The following SYNE4 variants were observed in gnomAD, a reference collection of about 807,000 sequenced individuals.
The protein encoded by SYNE4 is spectrin repeat containing nuclear envelope family member 4.
In SYNE4, 41 loss-of-function variants were observed where a neutral mutation model predicts 46.9. That is an observed-to-expected ratio of 0.87 (90% CI 0.68 to 1.13). The LOEUF (loss-of-function observed/expected upper bound fraction) is 1.13. Ranked by LOEUF, SYNE4 falls within the 50% of genes most tolerant of loss-of-function variation. The probability of loss-of-function intolerance (pLI) is 0.00; values close to 1 mark genes in which losing one functional copy is unlikely to be tolerated. For synonymous variants in SYNE4, 221 were observed against 219.5 expected (o/e 1.01, Z -0.06); for missense variants, 492 against 514.8 (o/e 0.96, Z 0.43).
At chr19:36,005,593 C>T (rs1599676439) in intron 5 of SYNE4, 156 bp from the exon 6 acceptor site, 3 of 645,120 alleles carry the variant, frequency 4.7e-6, no homozygotes, top group Non-Finnish European at 8.0e-6. Flanking sequence ...TTCATTCATT[C>T]AATAAATGTG....
rs767695481 is a variant in SYNE4 at position 36,005,312 on chromosome 19, C to A, written c.972+21G>T. The A allele has an allele frequency of 8.1e-6, 13 of 1,612,608 alleles. No individual in the cohort carries two copies. The Admixed American group carries it at 1.7e-4, about 21-fold the overall frequency. Reference sequence around the variant, plus strand: ...GCCATCAAGATTCCTGAGTGCTACACCTGGTTGAGAACTGGCTCACCTGAG... The same window carrying A: ...GCCATCAAGATTCCTGAGTGCTACAACTGGTTGAGAACTGGCTCACCTGAG... On this transcript the variant is annotated intron_variant, in intron 6 of 7. Coordinates refer to ENST00000324444, the MANE Select transcript of SYNE4 (RefSeq NM_001039876.3).
In SYNE4 at chr19:36,007,603, G is replaced by A. The variant is rs930613364; in HGVS notation, c.280-335C>T. 17 of 985,234 alleles carry A rather than the reference G, an allele frequency of 1.7e-5. No individual in the cohort carries two copies. In the East Asian group the frequency reaches 3.4e-4, roughly 20 times the overall value. The allele number at this position is 985,234 out of a possible 1,614,324, so 61.0% of individuals were successfully genotyped here. A position where few individuals can be genotyped will look rare whatever the true frequency, so the allele number is the denominator to read the frequency against. On this transcript the variant is annotated intron_variant, in intron 2 of 7. Coordinates refer to ENST00000324444, the MANE Select transcript of SYNE4 (RefSeq NM_001039876.3). ...ATGATGAAATGCTTCTCAGCCGGGC[G>A]CAGTGGTTCACATCTGTAATCCCAG...
rs1247338204 is a variant in SYNE4, at chr19:36,008,357, C to A, written c.139G>T (p.Ala47Ser). ...SGEESTSPEQ[A>S]QTLGQDSLGP... is the part of the protein sequence containing the mutation. ...AAGGAGTCCTGTCCCAGGGTCTGGG[C>A]CTGCTCTGGGCTAGGAGGCAGGGGG... is the stretch of plus-strand genomic sequence containing the variant. Residue 47 changes from alanine (A) to serine (S), a missense_variant, in exon 2 of 8, where the codon GCC (alanine) becomes TCC (serine). Coordinates refer to ENST00000324444, the MANE Select transcript of SYNE4 (RefSeq NM_001039876.3). 1 of 1,560,610 alleles carries A rather than the reference C, an allele frequency of 6.4e-7. No individual in the cohort carries two copies. The highest frequency in any genetic ancestry group is 8.7e-7 in the Non-Finnish European group (1 of 1,150,996).
intron 5 of SYNE4, 121 bp downstream of exon 5, chr19:36,006,302 G>T: frequency 1.5e-6 from 2 of 1,307,960 alleles, no homozygotes; most frequent in East Asian, 2.4e-5. Context: ...CCGAGAGACA[G>T]AGATAGAGGG....
intron 3 of SYNE4, 60 bp from the exon 4 acceptor site, chr19:36,007,004 C>G: frequency 6.5e-7 from 1 of 1,530,678 alleles, no homozygotes; most frequent in African/African-American, 1.4e-5. Context: ...TGGAGTTACC[C>G]CCCTCCCCCA....
chr19:36,007,062 C>T (rs1221064602), intron 3 of SYNE4, 63 bp downstream of exon 3: 15 of 1,562,576 alleles, frequency 9.6e-6, no homozygotes, highest in Middle Eastern at 1.9e-4. Flanking sequence ...TTTCCCATCC[C>T]GGAAAGCTGG....
chr19:36,006,383 G>A (rs1203824176), intron 5 of SYNE4, 40 bp downstream of exon 5: 1 of 1,556,300 alleles, frequency 6.4e-7, no homozygotes, highest in Non-Finnish European at 8.7e-7. Context: ...ATGTCCCCAG[G>A]GTGCCTGGCA....
chr19:36,005,344 G>A lies in SYNE4; in HGVS notation c.961C>T (p.Arg321Trp), dbSNP rs764812979. 80 of 1,613,892 alleles carry A rather than the reference G, an allele frequency of 5.0e-5. No homozygotes were observed. The highest frequency in any genetic ancestry group is 5.9e-5 in the Non-Finnish European group (70 of 1,179,970). The change falls in exon 6 of 8, where the codon CGG (arginine) becomes TGG (tryptophan). Residue 321 changes from arginine (R) to tryptophan (W), a missense_variant. Physicochemically the swap from Arg to Trp is moderately radical, Grantham distance 101 (BLOSUM62 -3). Transcript: ENST00000324444. The part of the protein sequence containing the change: ...LARHQRHSLL[R>W]KPQDKKRQAS... The stretch of plus-strand genomic sequence containing the variant: ...GAGAACTGGCTCACCTGAGGCTTCC[G>A]GAGCAGGGAGTGTCTTTGGTGACGT...
Position 36,003,347 on chromosome 19 carries a change from G to A in SYNE4, c.1205C>T (p.Pro402Leu), listed in dbSNP as rs1469949334. 8 of 1,614,000 alleles carry A rather than the reference G, an allele frequency of 5.0e-6. No individual in the cohort carries two copies. Among genetic ancestry groups the A allele is most frequent in the Non-Finnish European group, 6.8e-6 (8 of 1,180,030 alleles). ...CATTTATTACACACATCAGACTGGG[G>A]GAAGACCATTGACATAGCTGAGCAC... ...YLVLSYVNGL[P>L]PV Residue 402 changes from proline (P) to leucine (L), a missense_variant, in exon 8 of 8, where the codon CCC becomes CTC. Coordinates refer to ENST00000324444, the MANE Select transcript of SYNE4 (RefSeq NM_001039876.3).
Position 36,005,282 on chromosome 19 carries a change from CA to C in SYNE4, c.972+50del. 5 of 1,555,794 alleles carry C rather than the reference CA, an allele frequency of 3.2e-6. No individual in the cohort carries two copies. In the Admixed American group the frequency reaches 8.8e-5, roughly 27 times the overall value. ...GCCTTTTGATTTCTTGGGTTTCTGT[CA>C]CTTGCCATCAAGATTCCTGAGTGCT... On this transcript the variant is annotated intron_variant, in intron 6 of 7. Transcript: ENST00000324444.
In SYNE4 at chr19:36,007,416, TG is replaced by T. The variant is rs553178847; in HGVS notation, c.280-149del. ...CTGTCTGCACCAGGATGGCTCCCAC[TG>T]GGGGGGCCTTCCCAGTGGAGCCAGG... On this transcript the variant is annotated intron_variant, in intron 2 of 7. Transcript: ENST00000324444. 57 of 1,423,650 alleles carry T rather than the reference TG, an allele frequency of 4.0e-5. No individual in the cohort carries two copies. The Middle Eastern group carries it at 7.1e-4, about 18-fold the overall frequency. 88.2% of individuals were successfully genotyped at this position (1,423,650 alleles called of 1,614,324 possible). A position where few individuals can be genotyped will look rare whatever the true frequency, so the allele number is the denominator to read the frequency against.
chr19:36,008,335 G>A lies in SYNE4; in HGVS notation c.161C>T (p.Ser54Phe), dbSNP rs1599680523. Residue 54 changes from serine (S) to phenylalanine (F), a missense_variant, in exon 2 of 8, where the codon TCC (serine) becomes TTC (phenylalanine). By Grantham distance (155) the Ser-to-Phe change is radical. Coordinates refer to ENST00000324444, the MANE Select transcript of SYNE4 (RefSeq NM_001039876.3). ...PEQAQTLGQDSLGPPEHFQGG... is the reference protein window; with the variant it reads ...PEQAQTLGQDFLGPPEHFQGG... ...CTGGAAGTGCTCAGGAGGGCCCAAG[G>A]AGTCCTGTCCCAGGGTCTGGGCCTG... 1 of 1,567,824 alleles carries A rather than the reference G, an allele frequency of 6.4e-7. No individual in the cohort carries two copies. The highest frequency in any genetic ancestry group is 8.7e-7 in the Non-Finnish European group (1 of 1,154,600).
At chr19:36,005,584 T>C in intron 5 of SYNE4, 147 bp from the exon 6 acceptor site, 1 of 663,714 alleles carries the variant, frequency 1.5e-6, no homozygotes, top group Non-Finnish European at 2.6e-6. Flanking sequence ...AATTATTTAT[T>C]CATTCATTCA....
rs1976750750 is a variant in SYNE4 at position 36,003,648 on chromosome 19, A to G, written c.996T>C (p.Pro332=). The change falls in exon 7 of 8, where the codon CCT becomes CCC. Residue 332 remains proline (P), a synonymous_variant. Transcript: ENST00000324444. ...CCTCCAGCCTCACATCCTGGAGATG[A>G]GGAGATGCTTGCCTCTTCTTGTCCT... ...KPQDKKRQAS[P]HLQDVRLEGN... 6.2e-7 allele frequency: 1 copy of G among 1,613,080 alleles called. No individual in the cohort carries two copies.
At chr19:36,007,631 C>G (rs1968410955) in intron 2 of SYNE4, 1 of 982,980 alleles carries the variant, frequency 1.0e-6, no homozygotes, top group African/African-American at 1.8e-5. Context: ...AATCCCAGCA[C>G]TTTGGGAGGC....
rs563279184 is a variant in SYNE4 at position 36,006,682 on chromosome 19, G to A, written c.619-11C>T. Reference sequence around the variant, plus strand: ...GGCCTCCTCGAACACCTGGGTCAAAGGACAGAGGTCATGGAGGCTATGAGG... The same window carrying A: ...GGCCTCCTCGAACACCTGGGTCAAAAGACAGAGGTCATGGAGGCTATGAGG... On this transcript the variant is annotated splice_polypyrimidine_tract_variant and intron_variant, in intron 4 of 7. Transcript: ENST00000324444. 15 of 1,594,426 alleles carry A rather than the reference G, an allele frequency of 9.4e-6. No homozygotes were observed. The highest frequency in any genetic ancestry group is 4.5e-5 in the South Asian group (4 of 88,956).
rs566047258 is a variant in SYNE4 at position 36,007,681 on chromosome 19, A to G, written c.280-413T>C. 14 of 744,786 alleles carry G rather than the reference A, an allele frequency of 1.9e-5. No individual in the cohort carries two copies. In the African/African-American group the frequency reaches 2.7e-4, roughly 14 times the overall value. The allele number at this position is 744,786 out of a possible 1,614,324, so 46.1% of individuals were successfully genotyped here. ...CACTTGAGCCCAGGAGTTCAAGACCAGCCTGGGCAACATGGTGAGACATCA... is the reference window on the plus strand; with the variant it reads ...CACTTGAGCCCAGGAGTTCAAGACCGGCCTGGGCAACATGGTGAGACATCA... On this transcript the variant is annotated intron_variant, in intron 2 of 7. Coordinates refer to ENST00000324444, the MANE Select transcript of SYNE4 (RefSeq NM_001039876.3).
chr19:36,005,311 A>G, intron 6 of SYNE4, 22 bp downstream of exon 6: 1 of 1,611,782 alleles, frequency 6.2e-7, no homozygotes, highest in African/African-American at 1.3e-5. Context: ...TGAGTGCTAC[A>G]CCTGGTTGAG....
rs761761109 is a variant in SYNE4 at position 36,006,529 on chromosome 19, TC to T, written c.760del (p.Asp254ThrfsTer16). The T allele has an allele frequency of 6.2e-7, 1 of 1,606,802 alleles. No individual in the cohort carries two copies. The highest frequency in any genetic ancestry group is 1.1e-5 in the South Asian group (1 of 89,960). Reference sequence around the variant, plus strand: ...TCCCAAGGGCCCAAGGCCCCCAATGTCCCCCGCCGGATCCCACTCCAACTCT... The same window carrying T: ...TCCCAAGGGCCCAAGGCCCCCAATGTCCCCGCCGGATCCCACTCCAACTCT... ...STELEWDPAG[D>X]IGGLGPLGQK... On this transcript the variant is annotated frameshift_variant, in exon 5 of 8. Transcript: ENST00000324444. LOFTEE classifies it high-confidence loss of function.
Sources: allele counts gnomAD v4.1 joint callset, GRCh38; gene constraint gnomAD v4.1.1; transcripts MANE v1.5; gene names NCBI Gene and HGNC (gene_info 2026-07-23, HGNC 2026-07-21).